Variants in ITGA9 observed in about 807,000 individuals in gnomAD.
ITGA9 encodes integrin alpha-9.
ITGA9 carries 56 observed loss-of-function variants against 127.8 expected under a neutral mutation model. That is an observed-to-expected ratio of 0.44 (90% CI 0.35 to 0.55). The LOEUF (loss-of-function observed/expected upper bound fraction) is 0.55, where lower values mean the gene tolerates loss of function less well. Among genes scored for constraint, ITGA9 ranks in the 20% least tolerant of loss-of-function variants. The probability of loss-of-function intolerance (pLI) is 0.00; values close to 1 mark genes in which losing one functional copy is unlikely to be tolerated. For missense variants in ITGA9, 1,196 were observed against 1,347.1 expected (o/e 0.89, Z 1.76); for synonymous variants, 508 against 514.5 (o/e 0.99, Z 0.17).
At chr3:37,583,099 A>C (rs932089056) in intron 15 of ITGA9, among the ~76,000 whole-genome samples, 1 of 152,124 alleles carries the variant, frequency 6.6e-6, no homozygotes, top group Non-Finnish European at 1.5e-5. Context: ...GTGTTAACCT[A>C]TACAATTGCC....
In ITGA9 at chr3:37,715,817, T is replaced by C. The variant is rs116023085; in HGVS notation, c.2068-16895T>C. Among the ~76,000 whole-genome samples the C allele has an allele frequency of 2.0e-3, 307 of 152,332 alleles. 1 individual carries two copies. The highest frequency in any genetic ancestry group is 6.5e-3 in the African/African-American group (272 of 41,576). ...ACACTGCCTCTGACTGGCATCTCTA[T>C]ACCAGAAAGGAGAAGAGGGGGACTA... On this transcript the variant is annotated intron_variant, in intron 18 of 27. Coordinates refer to ENST00000264741, the MANE Select transcript of ITGA9 (RefSeq NM_002207.3).
chr3:37,481,114 C>G (rs1698547931), intron 3 of ITGA9, among the ~76,000 whole-genome samples: 1 of 152,176 alleles, frequency 6.6e-6, no homozygotes, highest in African/African-American at 2.4e-5. Flanking sequence ...ATTCTGCTAT[C>G]CTTTGAATCC....
chr3:37,777,297 G>A (rs1444774697), intron 23 of ITGA9, 95 bp from the exon 24 acceptor site: 5 of 1,368,354 alleles, frequency 3.7e-6, no homozygotes, highest in Non-Finnish European at 5.2e-6. Flanking sequence ...AAGGTGAATT[G>A]GGGTTCTACC....
At chr3:37,708,760 G>A (rs1251905564) in intron 18 of ITGA9, among the ~76,000 whole-genome samples, 1 of 2,352 alleles carries the variant, frequency 4.3e-4, no homozygotes, top group Non-Finnish European at 6.3e-4. Flanking sequence ...ATGAGATGAG[G>A]GTCTTACAGG....
At chr3:37,698,109 G>A (rs1222279655) in intron 18 of ITGA9, among the ~76,000 whole-genome samples, 2 of 152,202 alleles carry the variant, frequency 1.3e-5, no homozygotes, top group East Asian at 3.8e-4. Context: ...TTTTTCATGT[G>A]TCTTTTGGCT....
intron 27 of ITGA9, among the ~76,000 whole-genome samples, chr3:37,811,047 C>G (rs1697362967): frequency 6.6e-6 from 1 of 152,164 alleles, no homozygotes; most frequent in Non-Finnish European, 1.5e-5. Context: ...GGCCCTGGCT[C>G]TGACACAAAA....
intron 18 of ITGA9, among the ~76,000 whole-genome samples, chr3:37,730,738 T>G (rs76432199): frequency 0.033 from 5,052 of 152,284 alleles, 118 homozygotes; most frequent in Non-Finnish European, 0.049. Context: ...GTTACATACA[T>G]GAGCTTGCCA....
chr3:37,732,504 G>A (rs1696304338), intron 18 of ITGA9, among the ~76,000 whole-genome samples: 1 of 152,106 alleles, frequency 6.6e-6, no homozygotes, highest in Admixed American at 6.5e-5. Context: ...AATGAAGAGT[G>A]GTTTTGTCCT....
At chr3:37,818,563 A>G in intron 27 of ITGA9, 1 of 345,212 alleles carries the variant, frequency 2.9e-6, no homozygotes, top group South Asian at 2.6e-5. Context: ...GCGCCCAGCC[A>G]TGAAACCTTT....
At chr3:37,788,362 T>A (rs1697065855) in intron 26 of ITGA9, among the ~76,000 whole-genome samples, 1 of 152,188 alleles carries the variant, frequency 6.6e-6, no homozygotes, top group Non-Finnish European at 1.5e-5. Flanking sequence ...GGTTAGGTCA[T>A]AAACTACAGA....
chr3:37,740,439 A>G (rs1163309572), intron 20 of ITGA9, among the ~76,000 whole-genome samples: 1 of 152,200 alleles, frequency 6.6e-6, no homozygotes, highest in Non-Finnish European at 1.5e-5. Flanking sequence ...AATAAAGGGA[A>G]ACTAGGTCTT....
chr3:37,673,142 C>T (rs1700652905), intron 17 of ITGA9, among the ~76,000 whole-genome samples: 2 of 152,142 alleles, frequency 1.3e-5, no homozygotes, highest in South Asian at 4.1e-4. Context: ...AGTTTCCTAT[C>T]CCTGTAGGAA....
At chr3:37,598,277 G>A (rs552894750) in intron 15 of ITGA9, among the ~76,000 whole-genome samples, 2 of 152,302 alleles carry the variant, frequency 1.3e-5, no homozygotes, top group South Asian at 2.1e-4. Flanking sequence ...ATTCTAGGCA[G>A]AAGAAAGAGC....
chr3:37,466,218 C>A (rs752316345), intron 1 of ITGA9, among the ~76,000 whole-genome samples: 1 of 152,014 alleles, frequency 6.6e-6, no homozygotes, highest in African/African-American at 2.4e-5. Flanking sequence ...CATAGTGGCT[C>A]AGGCTTGTAA....
intron 15 of ITGA9, among the ~76,000 whole-genome samples, chr3:37,570,096 G>A (rs1047359976): frequency 5.3e-5 from 8 of 152,220 alleles, no homozygotes; most frequent in South Asian, 4.1e-4. Context: ...TTTGCTATGC[G>A]CCAAAGCAGC....
At chr3:37,743,281 G>T (rs1292477705) in intron 21 of ITGA9, among the ~76,000 whole-genome samples, 1 of 152,242 alleles carries the variant, frequency 6.6e-6, no homozygotes, top group African/African-American at 2.4e-5. Context: ...CCAGCATCTA[G>T]AAGTCGATAT....
chr3:37,680,808 G>C (rs1386269557), intron 17 of ITGA9, among the ~76,000 whole-genome samples: 1 of 152,120 alleles, frequency 6.6e-6, no homozygotes, highest in African/African-American at 2.4e-5. Context: ...GCAAACAGAA[G>C]AACAGAAATA....
intron 1 of ITGA9, among the ~76,000 whole-genome samples, chr3:37,460,135 T>A (rs1455762619): frequency 3.3e-5 from 5 of 152,138 alleles, no homozygotes; most frequent in African/African-American, 1.2e-4. Context: ...TTCTACTGGC[T>A]CCCACCACTT....
chr3:37,577,419 G>T (rs1006782246), intron 15 of ITGA9, among the ~76,000 whole-genome samples: 1 of 152,244 alleles, frequency 6.6e-6, no homozygotes, highest in South Asian at 2.1e-4. Flanking sequence ...CTTCATAGCT[G>T]ACATCAAATG....
Sources: gnomAD v4.1 joint callset for allele counts (sites outside exome capture counted in the v4.1 genomes callset) on GRCh38, gnomAD v4.1.1 for gene constraint, MANE v1.5 for transcripts, NCBI Gene and HGNC (gene_info 2026-07-23, HGNC 2026-07-21) for gene names.